The following EPS8 variants were observed in gnomAD, a reference collection of about 807,000 sequenced individuals.
The protein encoded by EPS8 is EGFR pathway substrate 8, signaling adaptor, also known as epidermal growth factor receptor kinase substrate 8.
A neutral mutation model predicts 103.8 loss-of-function variants in EPS8; 42 were observed. The observed-to-expected ratio is 0.40, with a 90% CI of 0.32 to 0.52. EPS8 has a LOEUF of 0.52. Ranked by LOEUF, EPS8 falls within the 20% of genes least tolerant of loss-of-function variation. The probability of loss-of-function intolerance (pLI) is 0.40; values close to 1 mark genes in which losing one functional copy is unlikely to be tolerated. For synonymous variants in EPS8, 344 were observed against 344.6 expected (o/e 1.00, Z 0.02); for missense variants, 969 against 1,005.1 (o/e 0.96, Z 0.49).
Position 15,621,041 on chromosome 12 carries a change from G to T in EPS8, c.*276C>A. 3.3e-6 allele frequency: 1 copy of T among 300,048 alleles called. No individual in the cohort carries two copies. Among genetic ancestry groups the T allele is most frequent in the Non-Finnish European group, 6.0e-6 (1 of 165,582 alleles). The allele number at this position is 300,048 out of a possible 1,614,324, so 18.6% of individuals were successfully genotyped here. On this transcript the variant is annotated 3_prime_UTR_variant, in exon 21 of 21. Coordinates refer to ENST00000281172, the MANE Select transcript of EPS8 (RefSeq NM_004447.6). Reference sequence around the variant, plus strand: ...CAATTCCTGTTTATACCCTGGGATGGGGATAAAATAATTAGTCTAATTAAG... The same window carrying T: ...CAATTCCTGTTTATACCCTGGGATGTGGATAAAATAATTAGTCTAATTAAG...
intron 12 of EPS8, among the ~76,000 whole-genome samples, chr12:15,656,447 T>C (rs1477199316): frequency 6.6e-6 from 1 of 152,132 alleles, no homozygotes; most frequent in African/African-American, 2.4e-5. Context: ...TTTCATCTTC[T>C]AGTCCCTTAT....
At position 15,751,001 on chromosome 12, in the gene EPS8, C is replaced by T. The variant is rs902965464; in HGVS notation, c.-22+38160G>A. Among the ~76,000 whole-genome samples, 16 of 152,062 alleles carry T rather than the reference C, an allele frequency of 1.1e-4. No homozygotes were observed. The highest frequency in any genetic ancestry group is 2.6e-4 in the Admixed American group (4 of 15,268). ...AGACAGTAAAAGTAAATGTTAAGAT[C>T]AGAAGGACACTGTTTCTCTCCTTGT... On this transcript the variant is annotated intron_variant, in intron 1 of 20. Coordinates refer to ENST00000281172, the MANE Select transcript of EPS8 (RefSeq NM_004447.6). The surrounding 1 kb of genome is among the most constrained non-coding windows in gnomAD (Gnocchi z 4.3).
intron 17 of EPS8, 77 bp from the exon 18 acceptor site, chr12:15,631,741 G>A: frequency 8.9e-7 from 1 of 1,122,542 alleles, no homozygotes; most frequent in Non-Finnish European, 1.3e-6. Context: ...TACTTTGATA[G>A]GACATTGTTG....
chr12:15,755,191 T>C (rs1485960365), intron 1 of EPS8, among the ~76,000 whole-genome samples: 1 of 152,240 alleles, frequency 6.6e-6, no homozygotes, highest in Non-Finnish European at 1.5e-5. Flanking sequence ...TCCTTCTGTT[T>C]TCAAGTTGTT....
rs1947133197 is a variant in EPS8 at position 15,769,739 on chromosome 12, C to G, written c.-22+19422G>C. Among the ~76,000 whole-genome samples the G allele has an allele frequency of 6.6e-6, 1 of 152,136 alleles. No homozygotes were observed. The highest frequency in any genetic ancestry group is 1.5e-5 in the Non-Finnish European group (1 of 68,026). On this transcript the variant is annotated intron_variant, in intron 1 of 20. Coordinates refer to ENST00000281172, the MANE Select transcript of EPS8 (RefSeq NM_004447.6). This position sits in a 1 kb window ranked among gnomAD's most constrained non-coding sequence, Gnocchi z 4.6. Reference sequence around the variant, plus strand: ...TCTATTTTCAGTCTTTTGTCTAACACTAGCATTCACGAGAATCTGATCACA... The same window carrying G: ...TCTATTTTCAGTCTTTTGTCTAACAGTAGCATTCACGAGAATCTGATCACA...
At position 15,771,028 on chromosome 12, in the gene EPS8, T is replaced by G. The variant is rs1591932780; in HGVS notation, c.-22+18133A>C. Among the ~76,000 whole-genome samples, 2 of 152,186 alleles carry G rather than the reference T, an allele frequency of 1.3e-5. No individual in the cohort carries two copies. The highest frequency in any genetic ancestry group is 6.8e-3 in the Middle Eastern group (2 of 294). On this transcript the variant is annotated intron_variant, in intron 1 of 20. Coordinates refer to ENST00000281172, the MANE Select transcript of EPS8 (RefSeq NM_004447.6). This position sits in a 1 kb window ranked among gnomAD's most constrained non-coding sequence, Gnocchi z 4.6. ...GATACCTGGTATCAGGTAACACACA[T>G]GTATATAAATTACAGTTCACGAAAG...
At chr12:15,627,940 TC>T (rs1308893357) in intron 18 of EPS8, among the ~76,000 whole-genome samples, 1 of 152,102 alleles carries the variant, frequency 6.6e-6, no homozygotes, top group Admixed American at 6.6e-5. Flanking sequence ...CTATGATTTT[TC>T]CCCCCTAGGG....
rs1947327025 is a variant in EPS8, at chr12:15,787,946, A to C, written c.-22+1215T>G. ...GGTGAGACAGGATGACATTGACTTT[A>C]ATTCCAATAGACTCACTACCACATG... On this transcript the variant is annotated intron_variant, in intron 1 of 20. Coordinates refer to ENST00000281172, the MANE Select transcript of EPS8 (RefSeq NM_004447.6). The surrounding 1 kb of genome is among the most constrained non-coding windows in gnomAD (Gnocchi z 4.9). 6.6e-6 allele frequency: 1 copy of C among 152,230 alleles called. No individual in the cohort carries two copies. Among genetic ancestry groups the C allele is most frequent in the African/African-American group, 2.4e-5 (1 of 41,460 alleles). 9.4% of individuals were successfully genotyped at this position (152,230 alleles called of 1,614,324 possible).
intron 1 of EPS8, among the ~76,000 whole-genome samples, chr12:15,705,100 G>A (rs1946367170): frequency 6.6e-6 from 1 of 152,022 alleles, no homozygotes; most frequent in South Asian, 2.1e-4. Context: ...GGAAAAAAAA[G>A]CTCGCTGGTC....
intron 1 of EPS8, among the ~76,000 whole-genome samples, chr12:15,711,101 C>T (rs1946457473): frequency 6.6e-6 from 1 of 151,510 alleles, no homozygotes; most frequent in African/African-American, 2.4e-5. Flanking sequence ...GACAAGGTCT[C>T]ACTATGATGC....
intron 18 of EPS8, among the ~76,000 whole-genome samples, chr12:15,626,176 C>A (rs1002568001): frequency 1.3e-5 from 2 of 152,170 alleles, no homozygotes; most frequent in African/African-American, 2.4e-5. Context: ...TCCTGTTAGT[C>A]TGACCTCATA....
intron 1 of EPS8, among the ~76,000 whole-genome samples, chr12:15,786,839 T>C (rs1236798144): frequency 6.6e-6 from 1 of 152,134 alleles, no homozygotes; most frequent in African/African-American, 2.4e-5. Context: ...CTGCAAACAA[T>C]TTCATGTAGT....
intron 13 of EPS8, among the ~76,000 whole-genome samples, chr12:15,653,379 T>C (rs1423127058): frequency 1.3e-5 from 2 of 152,184 alleles, no homozygotes; most frequent in African/African-American, 4.8e-5. Context: ...AAAGCCTGCA[T>C]AATCCAGCCC....
Position 15,721,515 on chromosome 12 carries a change from T to A in EPS8, c.-21-38543A>T, listed in dbSNP as rs546831873. Among the ~76,000 whole-genome samples, 1 of 152,148 alleles carries A rather than the reference T, an allele frequency of 6.6e-6. No individual in the cohort carries two copies. Among genetic ancestry groups the A allele is most frequent in the Non-Finnish European group, 1.5e-5 (1 of 68,026 alleles). The stretch of plus-strand genomic sequence containing the variant: ...GGAAGCAGCCGGTTCTGTGAACCAA[T>A]AGATAAAAAATTTCATCTCCAAACC... On this transcript the variant is annotated intron_variant, in intron 1 of 20. Transcript: ENST00000281172. The surrounding 1 kb of genome is among the most constrained non-coding windows in gnomAD (Gnocchi z 4.4).
At chr12:15,639,428 T>G (rs1945191230) in intron 17 of EPS8, among the ~76,000 whole-genome samples, 1 of 152,144 alleles carries the variant, frequency 6.6e-6, no homozygotes, top group South Asian at 2.1e-4. Flanking sequence ...GACCATACCT[T>G]GAATAACTCA....
chr12:15,680,080 T>C (rs1182223980), intron 3 of EPS8, among the ~76,000 whole-genome samples: 1 of 152,174 alleles, frequency 6.6e-6, no homozygotes, highest in African/African-American at 2.4e-5. Context: ...AATGTCACAA[T>C]ACTTAATAAA....
chr12:15,666,573 G>T (rs1945715644), intron 6 of EPS8, 51 bp from the exon 7 acceptor site: 1 of 1,313,712 alleles, frequency 7.6e-7, no homozygotes, highest in South Asian at 1.2e-5. Flanking sequence ...TCTGAGTCTT[G>T]ATATGTAGTT....
At chr12:15,718,904 C>T (rs1298286687) in intron 1 of EPS8, among the ~76,000 whole-genome samples, 1 of 152,076 alleles carries the variant, frequency 6.6e-6, no homozygotes, top group African/African-American at 2.4e-5. Context: ...ACAGAAGTAT[C>T]AATCCTTTCT....
rs972037263 is a variant in EPS8 at position 15,777,860 on chromosome 12, A to C, written c.-22+11301T>G. On this transcript the variant is annotated intron_variant, in intron 1 of 20. Coordinates refer to ENST00000281172, the MANE Select transcript of EPS8 (RefSeq NM_004447.6). The surrounding 1 kb of genome is among the most constrained non-coding windows in gnomAD (Gnocchi z 4.7). ...TGTAAAAGACTATTTTCTTGACAAG[A>C]CCATGGAAAGTAGCCAGTCTTAAGA... 6.6e-6 allele frequency among the ~76,000 whole-genome samples: 1 copy of C among 152,214 alleles called. No individual in the cohort carries two copies. Among genetic ancestry groups the C allele is most frequent in the African/African-American group, 2.4e-5 (1 of 41,460 alleles).
Sources: gnomAD v4.1 joint callset for allele counts (sites outside exome capture counted in the v4.1 genomes callset) on GRCh38, gnomAD v4.1.1 for gene constraint, Gnocchi (gnomAD v3.1) non-coding constraint, MANE v1.5 for transcripts, NCBI Gene and HGNC (gene_info 2026-07-23, HGNC 2026-07-21) for gene names.